Variants in MTMR9 observed in about 807,000 individuals in gnomAD.
The protein encoded by MTMR9 is myotubularin related protein 9.
Under a neutral mutation model 69.5 loss-of-function variants are expected in MTMR9, and 39 were observed. The observed-to-expected ratio is 0.56, with a 90% CI of 0.43 to 0.73. The LOEUF (loss-of-function observed/expected upper bound fraction) is 0.73. Ranked by LOEUF, MTMR9 falls within the 30% of genes least tolerant of loss-of-function variation. MTMR9 has a pLI of 0.00. For synonymous variants in MTMR9, 354 were observed against 240.8 expected, an observed-to-expected ratio of 1.47 and a Z score of -4.35; for missense variants, 900 against 671.2, an observed-to-expected ratio of 1.34 and a Z score of -3.77.
chr8:11,306,358 C>T lies in MTMR9; in HGVS notation c.760C>T (p.Gln254Ter). The T allele has an allele frequency of 1.2e-6, 2 of 1,614,040 alleles. No homozygotes were observed. The highest frequency in any genetic ancestry group is 1.7e-6 in the Non-Finnish European group (2 of 1,179,958). The change falls in exon 5 of 10, where the codon CAA becomes TAA. Residue 254 changes from glutamine to a stop codon, truncating the protein, a stop_gained. Transcript: ENST00000221086. LOFTEE classifies it high-confidence loss of function. Reference protein sequence around the residue: ...QTRAKGGGFEQEAHYPQWRRI... With the variant: ...QTRAKGGGFE ...TAGAGCCAAAGGAGGTGGCTTTGAA[C>T]AAGAAGCTCATTATCCTCAGTGGAG...
chr8:11,296,256 A>G (rs1478985007), intron 2 of MTMR9, among the ~76,000 whole-genome samples: 2 of 152,158 alleles, frequency 1.3e-5, no homozygotes, highest in Admixed American at 1.3e-4. Flanking sequence ...GGATAATAGT[A>G]CCTATCTTTT....
In MTMR9 at chr8:11,285,150, T is replaced by C. The variant is rs1435374312; in HGVS notation, c.182+80T>C. 8 of 1,375,822 alleles carry C rather than the reference T, an allele frequency of 5.8e-6. No homozygotes were observed. The African/African-American group carries it at 1.0e-4, about 18-fold the overall frequency. 85.2% of individuals were successfully genotyped at this position (1,375,822 alleles called of 1,614,324 possible). On this transcript the variant is annotated intron_variant, in intron 1 of 9. Transcript: ENST00000221086. ...CCCCGGGAAATACTTCCTGGCGTTT[T>C]CCGCGCAGCCTGCCGCCCAGCTAGC...
At chr8:11,328,629 A>G (rs1205762838), downstream of MTMR9, among the ~76,000 whole-genome samples, 4 of 152,246 alleles carry the variant, frequency 2.6e-5, no homozygotes, top group African/African-American at 4.8e-5. Flanking sequence ...TACAGTAATC[A>G]TTGACTTAGG....
intron 5 of MTMR9, 145 bp from the exon 6 acceptor site, chr8:11,309,382 T>A: frequency 1.4e-6 from 1 of 699,070 alleles, no homozygotes; most frequent in Non-Finnish European, 2.3e-6. Context: ...CAACCTTTAA[T>A]CCTCAAATTA....
downstream of MTMR9, chr8:11,331,026 C>A: frequency 6.6e-7 from 1 of 1,514,410 alleles, no homozygotes; most frequent in African/African-American, 1.4e-5. Context: ...CCCACCCGCA[C>A]TCCAATGAGG....
intron 2 of MTMR9, among the ~76,000 whole-genome samples, chr8:11,299,598 T>C (rs939214316): frequency 6.6e-6 from 1 of 152,206 alleles, no homozygotes; most frequent in Non-Finnish European, 1.5e-5. Flanking sequence ...TAACCCACCC[T>C]GATTTCAAAT....
chr8:11,285,948 C>CTTTTTTTTTTTTTTTTTTTTTTTT (rs755153057), intron 1 of MTMR9, among the ~76,000 whole-genome samples: 1 of 107,114 alleles, frequency 9.3e-6, no homozygotes, highest in African/African-American at 3.8e-5. Flanking sequence ...TTCTTTCTTT[C>CTTTTTTTTTTTTTTTTTTTTTTTT]TTTTTTTTTT....
rs1799940884 is a variant in MTMR9, at chr8:11,306,325, C to G, written c.727C>G (p.Gln243Glu). Residue 243 changes from glutamine (Q) to glutamate (E), a missense_variant, in exon 5 of 10, where the codon CAG becomes GAG. By Grantham distance (29) the Gln-to-Glu change is conservative. Transcript: ENST00000221086. ...TGACACCCGATCCCTGAACGTGGCT[C>G]AGCAAACTAGAGCCAAAGGAGGTGG... Reference protein sequence around the residue: ...IIDTRSLNVAQQTRAKGGGFE... With the variant: ...IIDTRSLNVAEQTRAKGGGFE... 6.2e-7 allele frequency: 1 copy of G among 1,614,060 alleles called. No individual in the cohort carries two copies. Among genetic ancestry groups the G allele is most frequent in the African/African-American group, 1.3e-5 (1 of 75,036 alleles).
Position 11,323,927 on chromosome 8 carries a change from T to G in MTMR9, c.*1139T>G, listed in dbSNP as rs1314445623. ...AACCTCAGAAACAGATTTGAGTGTT[T>G]CAGTATTATAGAAACAGTGATGACT... is the stretch of plus-strand genomic sequence containing the variant. On this transcript the variant is annotated 3_prime_UTR_variant, in exon 10 of 10. Transcript: ENST00000221086. The G allele has an allele frequency of 2.0e-5, 3 of 152,208 alleles. No homozygotes were observed. In the East Asian group the frequency reaches 5.8e-4, roughly 29 times the overall value. The allele number at this position is 152,208 out of a possible 1,614,324, so 9.4% of individuals were successfully genotyped here.
chr8:11,334,792 C>T, the MTMR9 span, among the ~76,000 whole-genome samples: 1 of 152,248 alleles, frequency 6.6e-6, no homozygotes, highest in African/African-American at 2.4e-5. Context: ...TTCAGTTCAG[C>T]CAGTCAGTTA....
intron 6 of MTMR9, among the ~76,000 whole-genome samples, chr8:11,310,635 T>C (rs756507105): frequency 6.6e-6 from 1 of 151,866 alleles, no homozygotes; most frequent in Non-Finnish European, 1.5e-5. Flanking sequence ...TAATAAACTG[T>C]GGGAATTAAA....
At chr8:11,332,226 C>T, downstream of MTMR9, 1 of 1,479,938 alleles carries the variant, frequency 6.8e-7, no homozygotes, top group Non-Finnish European at 9.0e-7. Flanking sequence ...ATAATAAATC[C>T]TAGGAAAGAG....
intron 1 of MTMR9, among the ~76,000 whole-genome samples, chr8:11,290,110 T>G (rs1051907930): frequency 5.3e-5 from 8 of 152,232 alleles, no homozygotes; most frequent in Non-Finnish European, 1.0e-4. Flanking sequence ...CTCCACTTTC[T>G]TACCAACATT....
Position 11,327,922 on chromosome 8 carries a change from C to T in MTMR9, c.*5134C>T, listed in dbSNP as rs374801401. 2.6e-5 allele frequency: 4 copies of T among 152,026 alleles called. No homozygotes were observed. The East Asian group carries it at 7.7e-4, about 29-fold the overall frequency. The allele number at this position is 152,026 out of a possible 1,614,324, so 9.4% of individuals were successfully genotyped here. ...GTAATATTCACTAGGTGATAATTTC[C>T]CCTGTACCCTATAACTGTAATCATT... On this transcript the variant is annotated 3_prime_UTR_variant, in exon 10 of 10. Coordinates refer to ENST00000221086, the MANE Select transcript of MTMR9 (RefSeq NM_015458.4).
At chr8:11,332,323 T>A (rs190176002), downstream of MTMR9, 942 of 745,674 alleles carry the variant, frequency 1.3e-3, no homozygotes, top group Non-Finnish European at 1.7e-3. Flanking sequence ...AAATGAGAAA[T>A]CTGGCTTATT....
chr8:11,307,512 G>A (rs887571793), intron 5 of MTMR9, among the ~76,000 whole-genome samples: 1 of 152,182 alleles, frequency 6.6e-6, no homozygotes, highest in Non-Finnish European at 1.5e-5. Flanking sequence ...TGGGAATGCA[G>A]ATACCTCTTT....
Position 11,316,720 on chromosome 8 carries a change from C to T in MTMR9, c.1161C>T (p.Asn387=). ...QQRCAQSAYC[N]TKQKWEAPVF... is the part of the protein sequence containing the mutation. ...GCTGTGCACAGTCAGCCTACTGTAA[C>T]ACCAAGCAGAAGTGGGAGGCTCCTG... The change falls in exon 8 of 10, where the codon AAC becomes AAT. Residue 387 remains asparagine (N), a synonymous_variant. Coordinates refer to ENST00000221086, the MANE Select transcript of MTMR9 (RefSeq NM_015458.4). 1 of 1,613,488 alleles carries T rather than the reference C, an allele frequency of 6.2e-7. No individual in the cohort carries two copies. Among genetic ancestry groups the T allele is most frequent in the East Asian group, 2.2e-5 (1 of 44,804 alleles).
chr8:11,296,875 GTT>G (rs1799579590), intron 2 of MTMR9, among the ~76,000 whole-genome samples: 1 of 152,032 alleles, frequency 6.6e-6, no homozygotes, highest in Non-Finnish European at 1.5e-5. Context: ...GACAGGGTGT[GTT>G]TGCTTTTTAT....
At chr8:11,293,983 C>G (rs906599933) in intron 1 of MTMR9, among the ~76,000 whole-genome samples, 2 of 152,132 alleles carry the variant, frequency 1.3e-5, no homozygotes, top group Admixed American at 6.5e-5. Context: ...GTTAGCCATA[C>G]CACTTTGTTC....
Sources: gnomAD v4.1 joint callset for allele counts (sites outside exome capture counted in the v4.1 genomes callset) on GRCh38, gnomAD v4.1.1 for gene constraint, MANE v1.5 for transcripts, NCBI Gene and HGNC (gene_info 2026-07-23, HGNC 2026-07-21) for gene names.